CECR2: variants seen among roughly 807,000 people sequenced by gnomAD.
The protein encoded by CECR2 is CECR2 histone acetyl-lysine reader, also known as chromatin remodeling regulator CECR2.
In CECR2, 30 loss-of-function variants were observed where a neutral mutation model predicts 154.5. The observed-to-expected ratio is 0.19, with a 90% CI of 0.15 to 0.26. CECR2 has a LOEUF of 0.26. Among genes scored for constraint, CECR2 ranks in the 10% least tolerant of loss-of-function variants. The pLI is 1.00. For missense variants in CECR2, 1,743 were observed against 1,829.3 expected, an observed-to-expected ratio of 0.95 and a Z score of 0.86; for synonymous variants, 725 against 683.7, an observed-to-expected ratio of 1.06 and a Z score of -0.94.
At chr22:17,401,375 C>G (rs1309902860) in intron 1 of CECR2, among the ~76,000 whole-genome samples, 1 of 152,170 alleles carries the variant, frequency 6.6e-6, no homozygotes, top group African/African-American at 2.4e-5. Flanking sequence ...TATATATACA[C>G]ACTAGTGAAA....
At chr22:17,362,794 C>T (rs1374021998) in intron 1 of CECR2, among the ~76,000 whole-genome samples, 3 of 148,106 alleles carry the variant, frequency 2.0e-5, no homozygotes, top group Admixed American at 1.4e-4. Context: ...CCCAGCTACT[C>T]GGGAGGCTGA....
intron 1 of CECR2, among the ~76,000 whole-genome samples, chr22:17,457,375 A>G (rs755161782): frequency 9.2e-5 from 14 of 152,190 alleles, no homozygotes; most frequent in Non-Finnish European, 2.1e-4. Context: ...TTCTGAACTA[A>G]TAGGGTCTTG....
intron 1 of CECR2, among the ~76,000 whole-genome samples, chr22:17,446,944 C>T (rs1459932325): frequency 6.6e-6 from 1 of 151,528 alleles, no homozygotes; most frequent in African/African-American, 2.4e-5. Context: ...CATTTTTACA[C>T]AGTGCTGATT....
rs928224171 is a variant in CECR2, at chr22:17,556,649, A to G, written c.*3809A>G. 3 of 152,198 alleles carry G rather than the reference A, an allele frequency of 2.0e-5. No individual in the cohort carries two copies. The highest frequency in any genetic ancestry group is 4.8e-5 in the African/African-American group (2 of 41,444). 9.4% of individuals were successfully genotyped at this position (152,198 alleles called of 1,614,324 possible). A position where few individuals can be genotyped will look rare whatever the true frequency, so the allele number is the denominator to read the frequency against. On this transcript the variant is annotated 3_prime_UTR_variant, in exon 19 of 19. Transcript: ENST00000262608. ...AAATTTCACAGGAAGGCCTAATCCT[A>G]TAGTCACAAGGTAAGGACAGTTGAG...
intron 1 of CECR2, among the ~76,000 whole-genome samples, chr22:17,465,415 C>T (rs1277036907): frequency 6.6e-6 from 1 of 152,078 alleles, no homozygotes; most frequent in Non-Finnish European, 1.5e-5. Flanking sequence ...CTGCAATCTC[C>T]ACCTCCTGAG....
intron 1 of CECR2, among the ~76,000 whole-genome samples, chr22:17,414,296 G>T (rs2054121184): frequency 6.6e-6 from 1 of 152,190 alleles, no homozygotes; most frequent in African/African-American, 2.4e-5. Context: ...AATCACTCTA[G>T]ATCCCTAGGA....
chr22:17,450,060 G>A (rs1319683337), intron 1 of CECR2, among the ~76,000 whole-genome samples: 1 of 152,166 alleles, frequency 6.6e-6, no homozygotes, highest in Non-Finnish European at 1.5e-5. Context: ...GTAATAAACA[G>A]ATTATTCTGG....
At chr22:17,537,730 C>T (rs1009728926) in intron 10 of CECR2, among the ~76,000 whole-genome samples, 11 of 152,092 alleles carry the variant, frequency 7.2e-5, no homozygotes, top group South Asian at 2.1e-4. Flanking sequence ...GCCGGGCTCA[C>T]GCCTGTAATC....
chr22:17,413,721 G>C (rs1323600412), intron 1 of CECR2, among the ~76,000 whole-genome samples: 2 of 151,904 alleles, frequency 1.3e-5, no homozygotes, highest in Non-Finnish European at 2.9e-5. Flanking sequence ...CTGTCGCCCA[G>C]GCTGGAGTAC....
At chr22:17,511,368 C>T (rs2055948497) in intron 7 of CECR2, among the ~76,000 whole-genome samples, 1 of 152,178 alleles carries the variant, frequency 6.6e-6, no homozygotes, top group East Asian at 1.9e-4. Context: ...GGCTTCCCCT[C>T]CTGGGCAACT....
rs780831049 is a variant in CECR2 at position 17,503,110 on chromosome 22, T to G, written c.679T>G (p.Ser227Ala). Residue 227 changes from serine (S) to alanine (A), a missense_variant, in exon 6 of 19, where the codon TCC (serine) becomes GCC (alanine). Coordinates refer to ENST00000262608, the MANE Select transcript of CECR2 (RefSeq NM_001290047.2). ...AAAGCAGGAAGAAAATTCCTTGGCA[T>G]CCGAGCCACAGACAAGACATGGTAA... ...SEKQEENSLA[S>A]EPQTRHGSQG... is the part of the protein sequence containing the mutation. 4 of 1,605,658 alleles carry G rather than the reference T, an allele frequency of 2.5e-6. No homozygotes were observed. The South Asian group carries it at 3.3e-5, about 13-fold the overall frequency.
At chr22:17,503,590 T>C (rs2055779186) in intron 6 of CECR2, among the ~76,000 whole-genome samples, 1 of 152,192 alleles carries the variant, frequency 6.6e-6, no homozygotes, top group African/African-American at 2.4e-5. Context: ...AGACTCAAAA[T>C]CAAAACCATT....
chr22:17,401,876 G>A (rs1354173952), intron 1 of CECR2, among the ~76,000 whole-genome samples: 3 of 139,482 alleles, frequency 2.2e-5, no homozygotes, highest in Non-Finnish European at 4.5e-5. Flanking sequence ...GGGTCTCACT[G>A]TGTTGCCCAG....
At chr22:17,487,952 G>A (rs752860760) in intron 2 of CECR2, among the ~76,000 whole-genome samples, 36 of 152,086 alleles carry the variant, frequency 2.4e-4, no homozygotes, top group African/African-American at 7.2e-4. Context: ...GCCTGATCTC[G>A]ACTCACTGCA....
At chr22:17,494,279 A>G (rs1471358087) in intron 2 of CECR2, among the ~76,000 whole-genome samples, 1 of 152,138 alleles carries the variant, frequency 6.6e-6, no homozygotes, top group Non-Finnish European at 1.5e-5. Context: ...TATTTACTTT[A>G]GTAGAGACGG....
intron 2 of CECR2, among the ~76,000 whole-genome samples, chr22:17,493,953 T>C (rs536029406): frequency 6.6e-6 from 1 of 152,318 alleles, no homozygotes; most frequent in Admixed American, 6.5e-5. Flanking sequence ...AAACAGACTT[T>C]AGTGTTTGTG....
At chr22:17,383,764 A>G (rs998745041) in intron 1 of CECR2, among the ~76,000 whole-genome samples, 2 of 148,528 alleles carry the variant, frequency 1.3e-5, no homozygotes, top group Middle Eastern at 3.3e-3. Flanking sequence ...TCCTGGGTTC[A>G]AGCAATTCTC....
Position 17,497,351 on chromosome 22 carries a change from A to C in CECR2, c.222-52A>C, listed in dbSNP as rs1019246940. The C allele has an allele frequency of 1.2e-5, 18 of 1,521,992 alleles. No homozygotes were observed. The African/African-American group carries it at 2.5e-4, about 21-fold the overall frequency. 94.3% of individuals were successfully genotyped at this position (1,521,992 alleles called of 1,614,324 possible). A position where few individuals can be genotyped will look rare whatever the true frequency, so the allele number is the denominator to read the frequency against. ...GTTCTCTCTCTCTCTCCTTCTCCCA[A>C]CCAACCTATATTTTATATTAATGTA... is the stretch of plus-strand genomic sequence containing the variant. On this transcript the variant is annotated intron_variant, in intron 2 of 18. Transcript: ENST00000262608.
At chr22:17,452,574 G>C (rs1371718865) in intron 1 of CECR2, among the ~76,000 whole-genome samples, 4 of 152,172 alleles carry the variant, frequency 2.6e-5, no homozygotes, top group African/African-American at 7.2e-5. Context: ...TGATACCAAA[G>C]CTTTTGAGCT....
Sources: gnomAD v4.1 joint callset for allele counts (sites outside exome capture counted in the v4.1 genomes callset) on GRCh38, gnomAD v4.1.1 for gene constraint, MANE v1.5 for transcripts, NCBI Gene and HGNC (gene_info 2026-07-23, HGNC 2026-07-21) for gene names.